Variants in MINDY4 observed in about 807,000 individuals in gnomAD.
The protein encoded by MINDY4 is MINDY lysine 48 deubiquitinase 4.
A neutral mutation model predicts 87.0 loss-of-function variants in MINDY4; 68 were observed. The observed-to-expected ratio is 0.78, with a 90% confidence interval of 0.64 to 0.96. The LOEUF is 0.96. Ranked by LOEUF, MINDY4 falls within the 40% of genes least tolerant of loss-of-function variation. MINDY4 has a pLI of 0.00. For synonymous variants in MINDY4, 379 were observed against 363.2 expected (o/e 1.04, Z -0.50); for missense variants, 919 against 928.2 (o/e 0.99, Z 0.13).
intron 5 of MINDY4, among the ~76,000 whole-genome samples, chr7:30,819,933 G>T (rs1362593384): frequency 8.7e-6 from 1 of 114,430 alleles, no homozygotes; most frequent in Non-Finnish European, 1.6e-5. Context: ...ACGGAGTCTC[G>T]CTCTGTCGCC....
At position 30,771,532 on chromosome 7, in the gene MINDY4, G is replaced by C. The variant is rs1244427355; in HGVS notation, c.39G>C (p.Leu13Phe). The change falls in exon 1 of 18, where the codon TTG (leucine) becomes TTC (phenylalanine). Residue 13 changes from leucine to phenylalanine, a missense_variant. Transcript: ENST00000265299. ...TCGTGGAGGAGGTGGCCGCCTCCTTGGTCAGGGAGTTCCTCAGCAGAAAGG... is the reference window on the plus strand; with the variant it reads ...TCGTGGAGGAGGTGGCCGCCTCCTTCGTCAGGGAGTTCCTCAGCAGAAAGG... ...SLFVEEVAAS[L>F]VREFLSRKGL... The C allele has an allele frequency of 6.2e-7, 1 of 1,603,846 alleles. No homozygotes were observed. The highest frequency in any genetic ancestry group is 8.5e-7 in the Non-Finnish European group (1 of 1,176,328).
intron 13 of MINDY4, among the ~76,000 whole-genome samples, chr7:30,863,720 A>T (rs1324645100): frequency 6.6e-6 from 1 of 152,232 alleles, no homozygotes; most frequent in Non-Finnish European, 1.5e-5. Flanking sequence ...AGAGGCCCCA[A>T]GAAGAGTCGA....
At chr7:30,880,509 G>A (rs565884968) in intron 15 of MINDY4, among the ~76,000 whole-genome samples, 2 of 152,184 alleles carry the variant, frequency 1.3e-5, no homozygotes, top group South Asian at 2.1e-4. Flanking sequence ...TTGTCTCTCC[G>A]TTGGAAAATT....
intron 9 of MINDY4, among the ~76,000 whole-genome samples, chr7:30,843,547 G>A (rs1454963574): frequency 6.6e-6 from 1 of 152,204 alleles, no homozygotes; most frequent in Non-Finnish European, 1.5e-5. Context: ...CATGTTCCAG[G>A]AAGAGCCGAC....
rs1361107094 is a variant in MINDY4, at chr7:30,892,272, C to G, written c.*267C>G. 8.4e-6 allele frequency: 4 copies of G among 475,734 alleles called. No homozygotes were observed. The highest frequency in any genetic ancestry group is 2.0e-5 in the African/African-American group (1 of 51,096). The allele number at this position is 475,734 out of a possible 1,614,324, so 29.5% of individuals were successfully genotyped here. The stretch of plus-strand genomic sequence containing the variant: ...TTGCCAGGGTCTCTGCTACCTTTGT[C>G]TGCATCCCTCCCTTGCTCCCTGCTG... On this transcript the variant is annotated 3_prime_UTR_variant, in exon 18 of 18. Coordinates refer to ENST00000265299, the MANE Select transcript of MINDY4 (RefSeq NM_032222.3).
intron 10 of MINDY4, among the ~76,000 whole-genome samples, chr7:30,851,203 T>C (rs1358897187): frequency 2.0e-5 from 3 of 152,208 alleles, no homozygotes; most frequent in African/African-American, 4.8e-5. Context: ...GAGATCACTT[T>C]TGGGGCCAAG....
intron 12 of MINDY4, among the ~76,000 whole-genome samples, chr7:30,854,459 G>A (rs917471715): frequency 3.3e-5 from 5 of 152,256 alleles, no homozygotes; most frequent in African/African-American, 1.2e-4. Flanking sequence ...GAAGGCAGGT[G>A]TGGCCTGAAC....
At chr7:30,818,132 A>G (rs1334055100) in intron 5 of MINDY4, among the ~76,000 whole-genome samples, 5 of 151,380 alleles carry the variant, frequency 3.3e-5, no homozygotes, top group Non-Finnish European at 7.4e-5. Flanking sequence ...AATTATTTTT[A>G]AAGAAACATA....
intron 12 of MINDY4, among the ~76,000 whole-genome samples, chr7:30,856,018 A>G (rs771354713): frequency 2.0e-5 from 3 of 152,228 alleles, no homozygotes; most frequent in Non-Finnish European, 4.4e-5. Context: ...CCCAAAATCA[A>G]TAGCCTCCTT....
intron 15 of MINDY4, among the ~76,000 whole-genome samples, chr7:30,879,591 T>C (rs1424145731): frequency 6.6e-6 from 1 of 152,172 alleles, no homozygotes; most frequent in Non-Finnish European, 1.5e-5. Context: ...TCTCTCGGGC[T>C]CTCTCCCACC....
rs1387375523 is a variant in MINDY4, at chr7:30,840,860, C to T, written c.1445+12C>T. The T allele has an allele frequency of 1.1e-5, 18 of 1,608,262 alleles. No individual in the cohort carries two copies. The highest frequency in any genetic ancestry group is 1.4e-5 in the Non-Finnish European group (17 of 1,176,248). On this transcript the variant is annotated intron_variant, in intron 9 of 17. Transcript: ENST00000265299. ...GCCGACTGTGCTCAGTAAGTCAGTG[C>T]TCTTTCTGGCAATATCTTATTTTCC...
chr7:30,886,126 G>T (rs1024636765), intron 17 of MINDY4, among the ~76,000 whole-genome samples: 2 of 152,208 alleles, frequency 1.3e-5, no homozygotes, highest in African/African-American at 4.8e-5. Flanking sequence ...AAAGGCTGCA[G>T]TGAGAGCCCA....
chr7:30,797,231 A>G (rs546367287), intron 5 of MINDY4, among the ~76,000 whole-genome samples: 21 of 152,332 alleles, frequency 1.4e-4, no homozygotes, highest in African/African-American at 5.1e-4. Context: ...CTGTGAACAA[A>G]GCAGATTGAG....
At chr7:30,827,327 G>T (rs1788543188) in intron 5 of MINDY4, among the ~76,000 whole-genome samples, 1 of 152,188 alleles carries the variant, frequency 6.6e-6, no homozygotes, top group Admixed American at 6.5e-5. Context: ...TGACAGACGG[G>T]ATAGGCAGGG....
chr7:30,850,001 T>A (rs6957048), intron 9 of MINDY4, among the ~76,000 whole-genome samples: 1 of 152,096 alleles, frequency 6.6e-6, no homozygotes, highest in African/African-American at 2.4e-5. Context: ...TGGCAGTGAA[T>A]AGCACCTGCC....
intron 5 of MINDY4, among the ~76,000 whole-genome samples, chr7:30,805,109 A>T (rs1011447478): frequency 6.6e-6 from 1 of 152,128 alleles, no homozygotes; most frequent in Non-Finnish European, 1.5e-5. Context: ...CCGCAAGGTG[A>T]GTCTAGGGGT....
At chr7:30,837,337 C>T (rs895850210) in intron 7 of MINDY4, among the ~76,000 whole-genome samples, 3 of 152,156 alleles carry the variant, frequency 2.0e-5, no homozygotes, top group African/African-American at 4.8e-5. Context: ...ACCAGAGGCT[C>T]CTGCAGGATG....
At chr7:30,795,072 G>A (rs377007335) in intron 5 of MINDY4, among the ~76,000 whole-genome samples, 1 of 152,110 alleles carries the variant, frequency 6.6e-6, no homozygotes, top group Non-Finnish European at 1.5e-5. Context: ...TTCTTTGGAG[G>A]CACCTCACTT....
intron 17 of MINDY4, among the ~76,000 whole-genome samples, chr7:30,888,986 A>C (rs1790714068): frequency 6.6e-6 from 1 of 152,114 alleles, no homozygotes; most frequent in Admixed American, 6.5e-5. Context: ...GGGAGCTCAT[A>C]CGAGGTACTT....
Sources: gnomAD v4.1 joint callset for allele counts (sites outside exome capture counted in the v4.1 genomes callset) on GRCh38, gnomAD v4.1.1 for gene constraint, MANE v1.5 for transcripts, NCBI Gene and HGNC (gene_info 2026-07-23, HGNC 2026-07-21) for gene names.